Variants in VAT1L observed in about 807,000 individuals in gnomAD.
VAT1L encodes vesicle amine transport 1 like, also known as putative NADPH-dependent quinone oxidoreductase VAT1L.
A neutral mutation model predicts 44.1 loss-of-function variants in VAT1L; 34 were observed. The observed-to-expected ratio is 0.77, with a 90% confidence interval of 0.59 to 1.03. The LOEUF (loss-of-function observed/expected upper bound fraction) is 1.03, where lower values mean the gene tolerates loss of function less well. VAT1L is among the 50% of genes least tolerant of loss of function. The pLI is 0.00. For synonymous variants in VAT1L, 253 were observed against 202.2 expected (o/e 1.25, Z -2.13); for missense variants, 615 against 538.8 (o/e 1.14, Z -1.40).
intron 3 of VAT1L, among the ~76,000 whole-genome samples, chr16:77,839,547 A>C (rs927888381): frequency 8.2e-6 from 1 of 122,444 alleles, no homozygotes. Flanking sequence ...AAAAAAAAAA[A>C]AAAAAAAAAA....
chr16:77,847,463 A>G (rs898843793), intron 3 of VAT1L, among the ~76,000 whole-genome samples: 1 of 152,186 alleles, frequency 6.6e-6, no homozygotes, highest in African/African-American at 2.4e-5. Flanking sequence ...GGCAAAGTGC[A>G]CCACCATATT....
At chr16:77,870,134 C>T (rs551679268) in intron 4 of VAT1L, among the ~76,000 whole-genome samples, 1 of 152,262 alleles carries the variant, frequency 6.6e-6, no homozygotes, top group South Asian at 2.1e-4. Flanking sequence ...TGGGCTTGGC[C>T]CCCTGTGAGA....
chr16:77,968,880 G>A (rs2018250914), intron 7 of VAT1L, among the ~76,000 whole-genome samples: 1 of 152,100 alleles, frequency 6.6e-6, no homozygotes, highest in Non-Finnish European at 1.5e-5. Flanking sequence ...GCACAGTGGC[G>A]CGATTTCAGC....
intron 4 of VAT1L, among the ~76,000 whole-genome samples, chr16:77,870,258 G>A (rs981690465): frequency 3.3e-5 from 5 of 152,170 alleles, no homozygotes; most frequent in Admixed American, 2.6e-4. Flanking sequence ...ACGGTGCTTG[G>A]CACCCTGTGC....
chr16:77,862,432 C>T (rs887630566), intron 3 of VAT1L, among the ~76,000 whole-genome samples: 3 of 151,872 alleles, frequency 2.0e-5, no homozygotes, highest in Non-Finnish European at 4.4e-5. Context: ...CTGGGCAACA[C>T]GGTGAAACCC....
At chr16:77,920,894 C>T (rs59925929) in intron 7 of VAT1L, among the ~76,000 whole-genome samples, 7,421 of 152,060 alleles carry the variant, frequency 0.049, 623 homozygotes, top group African/African-American at 0.17. Flanking sequence ...ATGCATTTCT[C>T]AGAATGTATC....
chr16:77,911,206 G>A (rs2017496258), intron 7 of VAT1L, among the ~76,000 whole-genome samples: 1 of 152,190 alleles, frequency 6.6e-6, no homozygotes, highest in African/African-American at 2.4e-5. Context: ...CAATATCGTT[G>A]GTTATCCCAG....
intron 7 of VAT1L, among the ~76,000 whole-genome samples, chr16:77,900,948 A>G (rs1159174448): frequency 6.6e-6 from 1 of 152,054 alleles, no homozygotes; most frequent in Non-Finnish European, 1.5e-5. Flanking sequence ...GAGTCACAGC[A>G]AAATGCAAGA....
intron 7 of VAT1L, among the ~76,000 whole-genome samples, chr16:77,951,753 C>T (rs1185891323): frequency 2.0e-5 from 3 of 151,458 alleles, no homozygotes; most frequent in East Asian, 1.9e-4. Flanking sequence ...GAAAGGACTT[C>T]GGGGTGGCTG....
intron 1 of VAT1L, among the ~76,000 whole-genome samples, chr16:77,799,679 G>C (rs757697864): frequency 3.9e-5 from 6 of 152,106 alleles, no homozygotes; most frequent in Admixed American, 1.3e-4. Flanking sequence ...GAGTGGATGC[G>C]AGACTCTTCT....
At chr16:77,911,931 G>A (rs1459798209) in intron 7 of VAT1L, among the ~76,000 whole-genome samples, 2 of 152,118 alleles carry the variant, frequency 1.3e-5, no homozygotes, top group Non-Finnish European at 2.9e-5. Flanking sequence ...ACAAACTGAC[G>A]GTATGTTAGG....
At chr16:77,883,654 A>G (rs535541415) in intron 6 of VAT1L, among the ~76,000 whole-genome samples, 113 of 152,312 alleles carry the variant, frequency 7.4e-4, no homozygotes, top group Non-Finnish European at 1.3e-3. Flanking sequence ...ATCCCCAAAC[A>G]ATATCAAATG....
intron 1 of VAT1L, among the ~76,000 whole-genome samples, chr16:77,812,674 A>T (rs117979752): frequency 0.01 from 1,594 of 152,344 alleles, 9 homozygotes; most frequent in Non-Finnish European, 0.018. Flanking sequence ...CTCTACAAAT[A>T]TAAGAAAGTG....
chr16:77,838,782 TTC>T (rs2016668935), intron 3 of VAT1L, among the ~76,000 whole-genome samples: 2 of 151,890 alleles, frequency 1.3e-5, no homozygotes, highest in South Asian at 2.1e-4. Context: ...CCTTCCTTTC[TTC>T]TTTTTCTCTC....
At chr16:77,970,871 C>A (rs1198876589) in intron 7 of VAT1L, among the ~76,000 whole-genome samples, 1 of 152,222 alleles carries the variant, frequency 6.6e-6, no homozygotes, top group African/African-American at 2.4e-5. Flanking sequence ...AAGGCAGGCA[C>A]TGTATCTTAC....
chr16:77,804,679 C>G (rs955975007), intron 1 of VAT1L, among the ~76,000 whole-genome samples: 1 of 152,160 alleles, frequency 6.6e-6, no homozygotes, highest in Non-Finnish European at 1.5e-5. Flanking sequence ...ACGCTTTCCC[C>G]TCTCCTTCCC....
chr16:77,814,385 G>A (rs774239988), intron 1 of VAT1L, among the ~76,000 whole-genome samples: 1 of 152,186 alleles, frequency 6.6e-6, no homozygotes, highest in Non-Finnish European at 1.5e-5. Flanking sequence ...ATCGCCTAAT[G>A]CCTCACTGAG....
chr16:77,919,264 A>C (rs751635878), intron 7 of VAT1L, among the ~76,000 whole-genome samples: 11 of 152,212 alleles, frequency 7.2e-5, no homozygotes, highest in Non-Finnish European at 1.5e-4. Flanking sequence ...CTGATTTGCA[A>C]ACCAGACCGG....
At chr16:77,970,334 C>G (rs2018266172) in intron 7 of VAT1L, among the ~76,000 whole-genome samples, 2 of 152,190 alleles carry the variant, frequency 1.3e-5, no homozygotes, top group Admixed American at 6.5e-5. Context: ...TGTTACCAGA[C>G]TGACGCTAAA....
Sources: gnomAD v4.1 joint callset for allele counts (sites outside exome capture counted in the v4.1 genomes callset) on GRCh38, gnomAD v4.1.1 for gene constraint, MANE v1.5 for transcripts, NCBI Gene and HGNC (gene_info 2026-07-23, HGNC 2026-07-21) for gene names.